The following NAV2 variants were observed in gnomAD, a reference collection of about 807,000 sequenced individuals.
NAV2 encodes helicase, APC down-regulated 1.
Under a neutral mutation model 223.2 loss-of-function variants are expected in NAV2, and 54 were observed. The observed-to-expected ratio is 0.24, with a 90% confidence interval of 0.19 to 0.30. The LOEUF is 0.30. NAV2 is among the 10% of genes least tolerant of loss of function. The pLI is 1.00. For missense variants in NAV2, 2,806 were observed against 3,147.5 expected, an observed-to-expected ratio of 0.89 and a Z score of 2.60; for synonymous variants, 1,279 against 1,239.3, an observed-to-expected ratio of 1.03 and a Z score of -0.67.
At chr11:19,534,151 C>G (rs1030466839) in intron 1 of NAV2, among the ~76,000 whole-genome samples, 14 of 152,346 alleles carry the variant, frequency 9.2e-5, no homozygotes, top group South Asian at 2.1e-4. Context: ...GCTTATCATT[C>G]CAGTTACTCC....
At chr11:19,486,526 G>A (rs564179204) in intron 1 of NAV2, among the ~76,000 whole-genome samples, 17 of 152,252 alleles carry the variant, frequency 1.1e-4, no homozygotes, top group Middle Eastern at 3.4e-3. Context: ...AAGTTCTCAC[G>A]AGAACTGATG....
chr11:19,617,039 C>T lies in NAV2; in HGVS notation c.76-215445C>T, dbSNP rs552634068. ...CATTTGGGGGCCTAAATGATAAAAT[C>T]TGTGTCAAGTACCTAGCTTGTTCTC... On this transcript the variant is annotated intron_variant, in intron 1 of 37. Transcript: ENST00000360655. 2.0e-5 allele frequency among the ~76,000 whole-genome samples: 3 copies of T among 152,166 alleles called. No homozygotes were observed. The East Asian group carries it at 5.8e-4, about 30-fold the overall frequency.
chr11:20,001,555 C>T (rs1030303505), intron 11 of NAV2, among the ~76,000 whole-genome samples: 1 of 152,124 alleles, frequency 6.6e-6, no homozygotes, highest in Non-Finnish European at 1.5e-5. Context: ...ACTCTCAGGA[C>T]TGTCTCAGCC....
At chr11:19,648,022 G>A (rs574728167) in intron 1 of NAV2, among the ~76,000 whole-genome samples, 1 of 152,206 alleles carries the variant, frequency 6.6e-6, no homozygotes, top group African/African-American at 2.4e-5. Flanking sequence ...CTTCTCTGTA[G>A]GGGAGGGTGG....
chr11:20,042,690 C>T (rs989129176), intron 12 of NAV2, among the ~76,000 whole-genome samples: 11 of 152,028 alleles, frequency 7.2e-5, no homozygotes, highest in Admixed American at 2.0e-4. Context: ...GGATGACAGG[C>T]GTTAGGCAGA....
chr11:19,839,606 C>T (rs923320182), intron 2 of NAV2, among the ~76,000 whole-genome samples: 1 of 152,150 alleles, frequency 6.6e-6, no homozygotes, highest in African/African-American at 2.4e-5. Flanking sequence ...TTCTGGGGAG[C>T]CAGTTTTTGT....
At chr11:19,448,659 T>C (rs1851676690) in intron 1 of NAV2, among the ~76,000 whole-genome samples, 1 of 152,258 alleles carries the variant, frequency 6.6e-6, no homozygotes, top group Non-Finnish European at 1.5e-5. Flanking sequence ...CTAACCTCTC[T>C]GATTCTGAGT....
intron 1 of NAV2, among the ~76,000 whole-genome samples, chr11:19,615,734 G>T (rs962731908): frequency 9.2e-5 from 14 of 152,192 alleles, no homozygotes; most frequent in African/African-American, 3.4e-4. Flanking sequence ...CAGAGGAATT[G>T]TGAGCTTAAT....
chr11:19,497,746 TC>T lies in NAV2; in HGVS notation c.75+146722del, dbSNP rs141683599. On this transcript the variant is annotated intron_variant, in intron 1 of 37. Coordinates refer to the NAV2 transcript ENST00000360655. ...TAAAGCCACAGACAGAAAATGGAAT[TC>T]CCTTTTGGAGTGTCTCGGTTAGCCC... 5.2e-3 allele frequency among the ~76,000 whole-genome samples: 788 copies of T among 152,184 alleles called. 3 individuals carry two copies. The highest frequency in any genetic ancestry group is 0.018 in the African/African-American group (762 of 41,510).
At chr11:20,061,836 C>T (rs927842926) in intron 19 of NAV2, among the ~76,000 whole-genome samples, 25 of 151,998 alleles carry the variant, frequency 1.6e-4, no homozygotes, top group Admixed American at 2.0e-4. Context: ...TCTTTTTTTG[C>T]ATATACAACT....
At chr11:19,884,944 G>T (rs567570235) in intron 5 of NAV2, among the ~76,000 whole-genome samples, 3 of 152,104 alleles carry the variant, frequency 2.0e-5, no homozygotes, top group Non-Finnish European at 4.4e-5. Context: ...CATGGAGACC[G>T]CCTCAGTTCC....
At chr11:19,546,154 G>A (rs2044492781) in intron 1 of NAV2, among the ~76,000 whole-genome samples, 1 of 152,180 alleles carries the variant, frequency 6.6e-6, no homozygotes, top group Non-Finnish European at 1.5e-5. Flanking sequence ...AGGCATAGGA[G>A]ACAAGTATGT....
chr11:20,082,977 G>T, intron 25 of NAV2, 30 bp from the exon 26 acceptor site: 1 of 1,591,010 alleles, frequency 6.3e-7, no homozygotes, highest in Non-Finnish European at 8.6e-7. Context: ...GGTTGCCCCC[G>T]CTGTGAGACT....
rs1222705690 is a variant in NAV2 at position 19,355,218 on chromosome 11, C to A, written c.75+4191C>A. Among the ~76,000 whole-genome samples, 8 of 149,754 alleles carry A rather than the reference C, an allele frequency of 5.3e-5. No homozygotes were observed. The South Asian group carries it at 6.4e-4, about 12-fold the overall frequency. ...CTTCACAGACAGAGGTTTCCCACAG[C>A]GGATGAACATTGTAAAATAAGAATT... is the stretch of plus-strand genomic sequence containing the variant. On this transcript the variant is annotated intron_variant, in intron 1 of 37. Transcript: ENST00000360655.
chr11:19,804,400 C>G lies in NAV2; in HGVS notation c.268-28084C>G, dbSNP rs189895825. Among the ~76,000 whole-genome samples, 269 of 152,300 alleles carry G rather than the reference C, an allele frequency of 1.8e-3. 1 individual carries two copies. The highest frequency in any genetic ancestry group is 6.3e-3 in the African/African-American group (263 of 41,560). ...ATCTAAGTGCTGAATGAATCATCAA[C>G]AAGAGACAGTCTTTTTTAGTCCATT... On this transcript the variant is annotated intron_variant, in intron 1 of 37. Transcript: ENST00000349880.
At chr11:19,686,478 C>T (rs1437271705) in intron 1 of NAV2, among the ~76,000 whole-genome samples, 1 of 152,168 alleles carries the variant, frequency 6.6e-6, no homozygotes, top group Non-Finnish European at 1.5e-5. Flanking sequence ...GGGAGGTACT[C>T]CAGGTCATAG....
At chr11:19,752,459 G>T (rs1160873451) in intron 1 of NAV2, among the ~76,000 whole-genome samples, 1 of 152,132 alleles carries the variant, frequency 6.6e-6, no homozygotes, top group Non-Finnish European at 1.5e-5. Context: ...CCATAGGGAT[G>T]GGAAAAGGAT....
chr11:19,725,958 G>A (rs931316011), intron 1 of NAV2, among the ~76,000 whole-genome samples: 1 of 152,224 alleles, frequency 6.6e-6, no homozygotes, highest in African/African-American at 2.4e-5. Flanking sequence ...AGGCCAGGCT[G>A]GCTGGGCTGC....
chr11:19,604,576 T>C (rs1277678296), intron 1 of NAV2, among the ~76,000 whole-genome samples: 5 of 152,148 alleles, frequency 3.3e-5, no homozygotes, highest in Non-Finnish European at 7.3e-5. Flanking sequence ...TGAATCTTGC[T>C]TTGTGCCAGG....
Sources: allele counts gnomAD v4.1 joint callset (sites outside exome capture counted in the v4.1 genomes callset), GRCh38; gene constraint gnomAD v4.1.1; transcripts MANE v1.5; gene names NCBI Gene and HGNC (gene_info 2026-07-23, HGNC 2026-07-21).